Variants in ARHGAP32 observed in about 807,000 individuals in gnomAD.
ARHGAP32 encodes Rho GTPase activating protein 32.
A neutral mutation model predicts 186.5 loss-of-function variants in ARHGAP32; 51 were observed. That is an observed-to-expected ratio of 0.27 (90% CI 0.22 to 0.35). The LOEUF is 0.35. Ranked by LOEUF, ARHGAP32 falls within the 10% of genes least tolerant of loss-of-function variation. The pLI is 1.00. For synonymous variants in ARHGAP32, 950 were observed against 964.3 expected, an observed-to-expected ratio of 0.99 and a Z score of 0.27; for missense variants, 2,186 against 2,623.5, an observed-to-expected ratio of 0.83 and a Z score of 3.64.
At chr11:129,137,947 A>G (rs144491245) in intron 2 of ARHGAP32, among the ~76,000 whole-genome samples, 1 of 152,168 alleles carries the variant, frequency 6.6e-6, no homozygotes, top group African/African-American at 2.4e-5. Context: ...ATGCAGCAGG[A>G]AGGAGGTAGA....
chr11:129,217,124 T>G (rs567568744), intron 1 of ARHGAP32, among the ~76,000 whole-genome samples: 2 of 152,334 alleles, frequency 1.3e-5, no homozygotes, highest in Admixed American at 6.5e-5. Flanking sequence ...GACTTTATGT[T>G]TGTTAATGCT....
rs373885143 is a variant in ARHGAP32 at position 128,969,255 on chromosome 11, G to C, written c.5958C>G (p.His1986Gln). 1.2e-6 allele frequency: 2 copies of C among 1,614,014 alleles called. No homozygotes were observed. The highest frequency in any genetic ancestry group is 3.3e-5 in the Admixed American group (2 of 60,006). The change falls in exon 23 of 23, where the codon CAC (histidine) becomes CAG (glutamine). Residue 1986 changes from histidine to glutamine, a missense_variant. Around this residue, in one of 5 missense-constraint regions of ARHGAP32, gnomAD observed 1,502 missense variants for 1,570.0 expected, o/e 0.96. Transcript: ENST00000682385. This position sits in a 1 kb window ranked among gnomAD's most constrained non-coding sequence, Gnocchi z 4.8. Reference sequence around the variant, plus strand: ...GGGGTGGGACGATTGACTGAGTGAGGTGTTCTTCCTCCTTGTAGCAGTCTC... The same window carrying C: ...GGGGTGGGACGATTGACTGAGTGAGCTGTTCTTCCTCCTTGTAGCAGTCTC... ...HSRDCYKEEE[H>Q]LTQSIVPPPK... is the part of the protein sequence containing the mutation.
intron 1 of ARHGAP32, among the ~76,000 whole-genome samples, chr11:129,224,420 A>T (rs1246386144): frequency 6.6e-6 from 1 of 152,154 alleles, no homozygotes; most frequent in African/African-American, 2.4e-5. Context: ...GTACCTCTGA[A>T]AATTCTCTCC....
chr11:129,278,365 A>C (rs996905438), intron 1 of ARHGAP32, among the ~76,000 whole-genome samples: 3 of 152,212 alleles, frequency 2.0e-5, no homozygotes, highest in Non-Finnish European at 2.9e-5. Flanking sequence ...CATCCCAAGC[A>C]TTCTGCTTGG....
chr11:128,984,093 G>T (rs1406718493), intron 15 of ARHGAP32, among the ~76,000 whole-genome samples: 1 of 152,106 alleles, frequency 6.6e-6, no homozygotes, highest in East Asian at 1.9e-4. Flanking sequence ...GAAAAGGAAG[G>T]CCGGGCACAG....
chr11:128,988,006 G>A lies in ARHGAP32; in HGVS notation c.1298+17C>T. 1.9e-6 allele frequency: 3 copies of A among 1,558,012 alleles called. No homozygotes were observed. The highest frequency in any genetic ancestry group is 2.7e-6 in the Non-Finnish European group (3 of 1,130,964). On this transcript the variant is annotated intron_variant, in intron 13 of 22. Transcript: ENST00000682385. ...ATTAGTTAAGAAGGAGTGAAAAAGT[G>A]CCATATAAGATTTTACCGTAGTCTC... is the stretch of plus-strand genomic sequence containing the variant.
chr11:129,217,753 T>C (rs561131263), intron 1 of ARHGAP32, among the ~76,000 whole-genome samples: 1 of 152,166 alleles, frequency 6.6e-6, no homozygotes, highest in Non-Finnish European at 1.5e-5. Flanking sequence ...TTATTCTAAT[T>C]TTTGAAATAA....
chr11:129,197,141 G>C (rs1299996832), upstream of ARHGAP32, among the ~76,000 whole-genome samples: 1 of 152,128 alleles, frequency 6.6e-6, no homozygotes, highest in African/African-American at 2.4e-5. Flanking sequence ...TATATGGTTT[G>C]CATTTTGGTC....
chr11:129,182,471 TG>T (rs1944076721), intron 1 of ARHGAP32, among the ~76,000 whole-genome samples: 2 of 152,068 alleles, frequency 1.3e-5, no homozygotes, highest in African/African-American at 4.8e-5. Context: ...GTAATGCAGA[TG>T]TTTTATATAT....
At chr11:128,985,089 G>A (rs1039574349) in intron 15 of ARHGAP32, among the ~76,000 whole-genome samples, 10 of 151,874 alleles carry the variant, frequency 6.6e-5, no homozygotes, top group African/African-American at 2.2e-4. Context: ...GCATGATCTC[G>A]GCTCACTGCA....
rs370631316 is a variant in ARHGAP32 at position 129,164,407 on chromosome 11, T to C, written c.137A>G (p.His46Arg). 460 of 1,561,528 alleles carry C rather than the reference T, an allele frequency of 2.9e-4. 1 individual carries two copies. The highest frequency in any genetic ancestry group is 6.7e-4 in the Middle Eastern group (4 of 6,002). ...EKFRKMKSSVHSEEDDFVPEL... is the reference protein window; with the variant it reads ...EKFRKMKSSVRSEEDDFVPEL... ...TGGAACAAAATCATCTTCTTCAGAA[T>C]GTACTGAGGACTTCATCTTCCTAGA... is the stretch of plus-strand genomic sequence containing the variant. The change falls in exon 2 of 23, where the codon CAT (histidine) becomes CGT (arginine). Residue 46 changes from histidine (H) to arginine (R), a missense_variant. Coordinates refer to ENST00000682385, the MANE Select transcript of ARHGAP32 (RefSeq NM_001378024.1).
chr11:129,057,359 G>T (rs1940294142), intron 10 of ARHGAP32, among the ~76,000 whole-genome samples: 1 of 152,032 alleles, frequency 6.6e-6, no homozygotes, highest in Non-Finnish European at 1.5e-5. Flanking sequence ...GCTCAGGTAG[G>T]GACCTGTTCC....
chr11:128,968,669 G>T lies in ARHGAP32; in HGVS notation c.*238C>A, dbSNP rs1037600063. 2 of 342,358 alleles carry T rather than the reference G, an allele frequency of 5.8e-6. No homozygotes were observed. Among genetic ancestry groups the T allele is most frequent in the African/African-American group, 4.2e-5 (2 of 47,464 alleles). The allele number at this position is 342,358 out of a possible 1,614,324, so 21.2% of individuals were successfully genotyped here. On this transcript the variant is annotated 3_prime_UTR_variant, in exon 23 of 23. Transcript: ENST00000682385. ...AGGTTTCTCTACTGGGTTTCAGCAC[G>T]GGGCTTTACCATCCTTCAGATCTTT...
chr11:129,046,578 A>G (rs933020769), intron 10 of ARHGAP32, among the ~76,000 whole-genome samples: 1 of 152,164 alleles, frequency 6.6e-6, no homozygotes, highest in Admixed American at 6.5e-5. Context: ...ATCTTCTTCT[A>G]CCTTGGGGAA....
chr11:129,098,948 C>T (rs1426131998), intron 5 of ARHGAP32, among the ~76,000 whole-genome samples: 2 of 150,996 alleles, frequency 1.3e-5, no homozygotes, highest in African/African-American at 2.4e-5. Flanking sequence ...ATGGCAACCA[C>T]AAAAAGATAG....
intron 1 of ARHGAP32, among the ~76,000 whole-genome samples, chr11:129,228,995 T>C (rs1944822176): frequency 6.6e-6 from 1 of 152,150 alleles, no homozygotes; most frequent in African/African-American, 2.4e-5. Context: ...AGGTTGTGAG[T>C]TATTACATCA....
chr11:129,257,603 G>A (rs1945270732), intron 1 of ARHGAP32, among the ~76,000 whole-genome samples: 1 of 150,120 alleles, frequency 6.7e-6, no homozygotes, highest in Non-Finnish European at 1.5e-5. Context: ...ACAAAACTTT[G>A]TTGCTTAAAA....
chr11:129,273,383 G>A (rs1945494396), intron 1 of ARHGAP32, among the ~76,000 whole-genome samples: 1 of 152,080 alleles, frequency 6.6e-6, no homozygotes, highest in Non-Finnish European at 1.5e-5. Context: ...TTAATCTGGA[G>A]GGCCACTGAA....
chr11:129,208,439 CCCA>C (rs1319457316), intron 1 of ARHGAP32, among the ~76,000 whole-genome samples: 4 of 152,126 alleles, frequency 2.6e-5, no homozygotes, highest in African/African-American at 4.8e-5. Context: ...TAGATCTCCT[CCCA>C]CCGACTACCC....
Sources: gnomAD v4.1 joint callset for allele counts (sites outside exome capture counted in the v4.1 genomes callset) on GRCh38, gnomAD v4.1.1 for gene constraint, gnomAD v4.1.1 regional missense constraint, Gnocchi (gnomAD v3.1) non-coding constraint, MANE v1.5 for transcripts, NCBI Gene and HGNC (gene_info 2026-07-23, HGNC 2026-07-21) for gene names.